SLIT3: variants seen among roughly 807,000 people sequenced by gnomAD.
SLIT3 encodes the protein slit guidance ligand 3, also known as slit homolog 3 protein.
Under a neutral mutation model 184.0 loss-of-function variants are expected in SLIT3, and 68 were observed. The ratio of observed to expected loss-of-function variants is 0.37; its 90% CI spans 0.30 to 0.45. The LOEUF is 0.45. Among genes scored for constraint, SLIT3 ranks in the 20% least tolerant of loss-of-function variants. The pLI, the probability that SLIT3 is intolerant of heterozygous loss-of-function variation, is 1.00. For missense variants in SLIT3, 1,707 were observed against 2,026.0 expected, an observed-to-expected ratio of 0.84 and a Z score of 3.02; for synonymous variants, 831 against 828.6, an observed-to-expected ratio of 1.00 and a Z score of -0.05.
At chr5:168,789,821 G>A in intron 10 of SLIT3, 190 bp from the exon 11 acceptor site, 1 of 561,518 alleles carries the variant, frequency 1.8e-6, no homozygotes, top group Admixed American at 3.1e-5. Context: ...ATGATAAAGT[G>A]CACCACATTT....
At chr5:169,125,305 C>T (rs1253432774) in intron 4 of SLIT3, among the ~76,000 whole-genome samples, 1 of 152,192 alleles carries the variant, frequency 6.6e-6, no homozygotes, top group Non-Finnish European at 1.5e-5. Context: ...CTTGGCCTCC[C>T]AAAGTGCTTG....
chr5:169,160,966 A>G (rs1287050280), intron 4 of SLIT3, among the ~76,000 whole-genome samples: 5 of 152,182 alleles, frequency 3.3e-5, no homozygotes, highest in African/African-American at 1.2e-4. Context: ...GGTGGCCAAA[A>G]AAGCTTTGAG....
chr5:168,880,625 T>C (rs993954232), intron 5 of SLIT3, among the ~76,000 whole-genome samples: 1 of 152,246 alleles, frequency 6.6e-6, no homozygotes, highest in African/African-American at 2.4e-5. Flanking sequence ...CATTATTTTA[T>C]TAACCTCCAC....
chr5:169,102,939 G>T (rs1760073544), intron 4 of SLIT3, among the ~76,000 whole-genome samples: 1 of 152,110 alleles, frequency 6.6e-6, no homozygotes, highest in Non-Finnish European at 1.5e-5. Context: ...TTTTAAACTT[G>T]TTTTAACCTT....
intron 4 of SLIT3, among the ~76,000 whole-genome samples, chr5:169,134,754 A>C (rs1172770098): frequency 6.6e-6 from 1 of 152,244 alleles, no homozygotes; most frequent in Non-Finnish European, 1.5e-5. Flanking sequence ...TATAATACTA[A>C]TAATAAAAAA....
chr5:169,206,258 G>A (rs1423556840), intron 3 of SLIT3, among the ~76,000 whole-genome samples: 1 of 152,160 alleles, frequency 6.6e-6, no homozygotes, highest in Admixed American at 6.5e-5. Context: ...GAGGAATTAA[G>A]AGAAAAATAC....
intron 18 of SLIT3, chr5:168,752,659 T>A: frequency 2.9e-6 from 1 of 343,884 alleles, no homozygotes; most frequent in South Asian, 4.1e-5. Flanking sequence ...CCTCCCAAAG[T>A]GTTAGGATTA....
intron 3 of SLIT3, among the ~76,000 whole-genome samples, chr5:169,237,460 G>C (rs1429393529): frequency 2.0e-5 from 3 of 152,112 alleles, no homozygotes. Flanking sequence ...ATAAGACTAT[G>C]TTTAACTTTT....
At chr5:169,242,396 T>C (rs893149709) in intron 3 of SLIT3, among the ~76,000 whole-genome samples, 22 of 152,204 alleles carry the variant, frequency 1.4e-4, no homozygotes, top group African/African-American at 5.1e-4. Context: ...CTCAACTACC[T>C]TTCCTCCCGC....
chr5:168,870,950 C>A (rs1319710641), intron 5 of SLIT3, among the ~76,000 whole-genome samples: 1 of 152,198 alleles, frequency 6.6e-6, no homozygotes, highest in Non-Finnish European at 1.5e-5. Flanking sequence ...GGTTCTAGTA[C>A]TGGTTTCCCA....
chr5:169,128,835 G>A (rs1761179405), intron 4 of SLIT3, among the ~76,000 whole-genome samples: 1 of 152,156 alleles, frequency 6.6e-6, no homozygotes, highest in South Asian at 2.1e-4. Context: ...TAATTACTAA[G>A]TTCTCTCTGG....
At chr5:169,252,853 T>C (rs994684400) in intron 1 of SLIT3, among the ~76,000 whole-genome samples, 4 of 152,090 alleles carry the variant, frequency 2.6e-5, no homozygotes, top group Non-Finnish European at 5.9e-5. Context: ...TCCAGCACTT[T>C]ATATATATAT....
chr5:168,703,911 CT>C (rs1416361785), intron 26 of SLIT3, among the ~76,000 whole-genome samples: 1 of 142,186 alleles, frequency 7.0e-6, no homozygotes, highest in East Asian at 2.1e-4. Flanking sequence ...TGCCACTGCA[CT>C]CCAGCCTGGC....
At chr5:168,883,694 C>A (rs1254309253) in intron 4 of SLIT3, among the ~76,000 whole-genome samples, 2 of 151,132 alleles carry the variant, frequency 1.3e-5, no homozygotes, top group African/African-American at 4.9e-5. Flanking sequence ...CCCCAACCCC[C>A]ACACGGCATT....
intron 4 of SLIT3, among the ~76,000 whole-genome samples, chr5:169,124,826 T>C (rs912740147): frequency 6.6e-6 from 1 of 152,076 alleles, no homozygotes; most frequent in Non-Finnish European, 1.5e-5. Flanking sequence ...CTGTACCTTC[T>C]ACTTCATGGC....
At chr5:169,100,103 G>A (rs1192849691) in intron 4 of SLIT3, among the ~76,000 whole-genome samples, 1 of 152,138 alleles carries the variant, frequency 6.6e-6, no homozygotes, top group Non-Finnish European at 1.5e-5. Flanking sequence ...GGGGGTAAGT[G>A]AAAAAACAGA....
intron 4 of SLIT3, among the ~76,000 whole-genome samples, chr5:168,963,948 TA>T (rs1432907037): frequency 1.3e-5 from 2 of 152,214 alleles, no homozygotes; most frequent in Non-Finnish European, 2.9e-5. Flanking sequence ...AACTGGATTT[TA>T]AAAGACCTAC....
chr5:168,984,354 G>T (rs1373751536), intron 4 of SLIT3, among the ~76,000 whole-genome samples: 1 of 152,086 alleles, frequency 6.6e-6, no homozygotes, highest in Non-Finnish European at 1.5e-5. Flanking sequence ...AAGAGAACTG[G>T]TTATTCAATC....
intron 7 of SLIT3, among the ~76,000 whole-genome samples, chr5:168,820,880 G>C (rs560549318): frequency 1.3e-5 from 2 of 152,234 alleles, no homozygotes; most frequent in African/African-American, 4.8e-5. Context: ...CAATATAAAA[G>C]CTTTCCTTTA....
Sources: allele counts gnomAD v4.1 joint callset (sites outside exome capture counted in the v4.1 genomes callset), GRCh38; gene constraint gnomAD v4.1.1; transcripts MANE v1.5; gene names NCBI Gene and HGNC (gene_info 2026-07-23, HGNC 2026-07-21).